Variants in PRKRIP1 observed in about 807,000 individuals in gnomAD.
PRKRIP1 encodes PRKR interacting protein 1, also known as PRKR-interacting protein 1.
A neutral mutation model predicts 29.3 loss-of-function variants in PRKRIP1; 29 were observed. The observed-to-expected ratio is 0.99, with a 90% CI of 0.74 to 1.35. The LOEUF (loss-of-function observed/expected upper bound fraction) is 1.35. Among genes scored for constraint, PRKRIP1 ranks in the 40% most tolerant of loss-of-function variants. The pLI is 0.00. For missense variants in PRKRIP1, 247 were observed against 236.8 expected (o/e 1.04, Z -0.28); for synonymous variants, 90 against 85.1 (o/e 1.06, Z -0.32).
chr7:102,424,557 T>A (rs1172998100), intron 5 of PRKRIP1, among the ~76,000 whole-genome samples: 1 of 152,200 alleles, frequency 6.6e-6, no homozygotes, highest in Non-Finnish European at 1.5e-5. Flanking sequence ...TGGGAGGAGC[T>A]GGGAAGCTGG....
intron 3 of PRKRIP1, among the ~76,000 whole-genome samples, chr7:102,403,144 G>A (rs1554571373): frequency 6.6e-6 from 1 of 152,114 alleles, no homozygotes; most frequent in Non-Finnish European, 1.5e-5. Flanking sequence ...CAGTGTGCTG[G>A]GATTACAGGA....
intron 5 of PRKRIP1, among the ~76,000 whole-genome samples, chr7:102,411,997 C>A (rs1166695467): frequency 6.6e-6 from 1 of 151,940 alleles, no homozygotes; most frequent in Non-Finnish European, 1.5e-5. Context: ...GGCTGGAGTG[C>A]AGTGGCGTGA....
chr7:102,421,753 C>T (rs1416089127), intron 5 of PRKRIP1, among the ~76,000 whole-genome samples: 6 of 151,720 alleles, frequency 4.0e-5, no homozygotes, highest in Admixed American at 1.3e-4. Context: ...GCCAAGATCG[C>T]GCCACTGCCC....
At chr7:102,412,829 T>C (rs1482693196) in intron 5 of PRKRIP1, among the ~76,000 whole-genome samples, 4 of 152,180 alleles carry the variant, frequency 2.6e-5, no homozygotes, top group African/African-American at 9.6e-5. Flanking sequence ...TCACCGCTTG[T>C]TTTCTGTGCT....
intron 4 of PRKRIP1, chr7:102,405,787 A>G (rs985205633): frequency 1.1e-5 from 2 of 184,584 alleles, no homozygotes; most frequent in Admixed American, 6.1e-5. Context: ...ATTTTAGATC[A>G]TTGTAACTAG....
chr7:102,405,846 A>C (rs1796202573), intron 4 of PRKRIP1: 1 of 290,972 alleles, frequency 3.4e-6, no homozygotes, highest in Non-Finnish European at 7.1e-6. Context: ...CAATCAACAC[A>C]TTTTCACCAA....
At chr7:102,403,000 G>A (rs924170469) in intron 3 of PRKRIP1, among the ~76,000 whole-genome samples, 8 of 151,740 alleles carry the variant, frequency 5.3e-5, no homozygotes, top group South Asian at 2.1e-4. Flanking sequence ...TCAGCCTCCC[G>A]AGTACCTGGG....
chr7:102,400,001 CAAA>C (rs782496537), intron 3 of PRKRIP1, among the ~76,000 whole-genome samples: 2 of 72,256 alleles, frequency 2.8e-5, no homozygotes, highest in Non-Finnish European at 2.9e-5. Flanking sequence ...AACTCCATCT[CAAA>C]AAAAAAAAAA....
intron 3 of PRKRIP1, among the ~76,000 whole-genome samples, chr7:102,402,496 A>G (rs1317444880): frequency 6.6e-6 from 1 of 152,112 alleles, no homozygotes; most frequent in Non-Finnish European, 1.5e-5. Flanking sequence ...AAAAGAAACT[A>G]CTATCAGAAG....
intron 4 of PRKRIP1, 52 bp from the exon 5 acceptor site, chr7:102,407,382 A>T (rs2133178735): frequency 8.4e-7 from 1 of 1,193,506 alleles, no homozygotes; most frequent in East Asian, 2.4e-5. Flanking sequence ...TATTTTCTAA[A>T]ATATACCATA....
intron 3 of PRKRIP1, among the ~76,000 whole-genome samples, chr7:102,401,059 A>G (rs1796057283): frequency 6.6e-6 from 1 of 152,210 alleles, no homozygotes; most frequent in African/African-American, 2.4e-5. Flanking sequence ...GAAATGCACC[A>G]AAACAAACAA....
chr7:102,410,994 C>T (rs1311210757), intron 5 of PRKRIP1, among the ~76,000 whole-genome samples: 2 of 152,160 alleles, frequency 1.3e-5, no homozygotes, highest in African/African-American at 4.8e-5. Context: ...AGTGCAATCA[C>T]GGCTCGCGGC....
chr7:102,424,968 C>T (rs372824265), intron 5 of PRKRIP1, 46 bp from the exon 6 acceptor site: 29 of 1,591,330 alleles, frequency 1.8e-5, no homozygotes, highest in Middle Eastern at 1.7e-4. Context: ...ACCCTTGACC[C>T]TGAACGATTT....
At chr7:102,418,171 T>C (rs1283622600) in intron 5 of PRKRIP1, among the ~76,000 whole-genome samples, 1 of 151,916 alleles carries the variant, frequency 6.6e-6, no homozygotes, top group Non-Finnish European at 1.5e-5. Flanking sequence ...TGCCTCAGCC[T>C]CCTGAGTAGC....
rs1586688480 is a variant in PRKRIP1 at position 102,413,552 on chromosome 7, A to G, written c.457+6054A>G. 2.6e-5 allele frequency among the ~76,000 whole-genome samples: 4 copies of G among 152,346 alleles called. 1 individual carries two copies. In the South Asian group the frequency reaches 8.3e-4, roughly 32 times the overall value. On this transcript the variant is annotated intron_variant, in intron 5 of 5. Transcript: ENST00000397912. ...TGAGGCTGGAGGATCATTTGAGGCC[A>G]GGAATTTGAGACCAGTGTGGGCAAC... is the stretch of plus-strand genomic sequence containing the variant.
chr7:102,414,755 C>G (rs1796484779), intron 5 of PRKRIP1, among the ~76,000 whole-genome samples: 1 of 152,184 alleles, frequency 6.6e-6, no homozygotes, highest in Non-Finnish European at 1.5e-5. Context: ...TGTGGTGGCA[C>G]ATGCCTGTAG....
chr7:102,407,343 A>G (rs1796259887), intron 4 of PRKRIP1, 91 bp from the exon 5 acceptor site: 1 of 722,504 alleles, frequency 1.4e-6, no homozygotes, highest in African/African-American at 1.8e-5. Context: ...GTTATTCCGC[A>G]GGTTTTAGAG....
At chr7:102,402,253 C>T (rs1055250808) in intron 3 of PRKRIP1, among the ~76,000 whole-genome samples, 3 of 151,972 alleles carry the variant, frequency 2.0e-5, no homozygotes, top group Non-Finnish European at 1.5e-5. Flanking sequence ...ACCCAGGCAA[C>T]GTGGCAAGAC....
At chr7:102,397,532 C>G in intron 1 of PRKRIP1, 88 bp from the exon 2 acceptor site, 1 of 1,089,940 alleles carries the variant, frequency 9.2e-7, no homozygotes, top group Non-Finnish European at 1.4e-6. Context: ...AGGAACAGAG[C>G]AAGAACCTGT....
Sources: allele counts gnomAD v4.1 joint callset (sites outside exome capture counted in the v4.1 genomes callset), GRCh38; gene constraint gnomAD v4.1.1; transcripts MANE v1.5; gene names NCBI Gene and HGNC (gene_info 2026-07-23, HGNC 2026-07-21).